Variants in SWT1 observed in about 807,000 individuals in gnomAD.
SWT1 encodes SWT1 RNA endoribonuclease homolog, also known as transcriptional protein SWT1.
In SWT1, 33 loss-of-function variants were observed where a neutral mutation model predicts 107.3. The ratio of observed to expected loss-of-function variants is 0.31; its 90% CI spans 0.23 to 0.41. The LOEUF is 0.41. Among genes scored for constraint, SWT1 ranks in the 10% least tolerant of loss-of-function variants. The pLI is 1.00. For synonymous variants in SWT1, 345 were observed against 348.3 expected (o/e 0.99, Z 0.11); for missense variants, 898 against 1,028.9 (o/e 0.87, Z 1.74).
chr1:185,266,121 T>G (rs901794136), intron 16 of SWT1, among the ~76,000 whole-genome samples: 2 of 152,154 alleles, frequency 1.3e-5, no homozygotes, highest in Non-Finnish European at 2.9e-5. Context: ...TGGAGTGCAG[T>G]GGCGCCATCT....
intron 5 of SWT1, chr1:185,176,595 T>G (rs541209372): frequency 2.0e-6 from 2 of 983,816 alleles, no homozygotes; most frequent in African/African-American, 3.5e-5. Context: ...CTTTCAGAAC[T>G]GTGGAACCTT....
intron 14 of SWT1, among the ~76,000 whole-genome samples, chr1:185,216,683 G>A (rs1486559885): frequency 6.6e-6 from 1 of 152,164 alleles, no homozygotes; most frequent in Non-Finnish European, 1.5e-5. Flanking sequence ...TGGGCATGGT[G>A]GTTCATGCCT....
At chr1:185,241,124 TAGGCTACTTCTTTAA>T (rs1200935403) in intron 16 of SWT1, among the ~76,000 whole-genome samples, 1 of 152,170 alleles carries the variant, frequency 6.6e-6, no homozygotes, top group Non-Finnish European at 1.5e-5. Context: ...TAACACACTT[TAGGCTACTTCTTTAA>T]ACTAGTTGTT....
At chr1:185,230,163 T>G (rs1293006826) in intron 15 of SWT1, among the ~76,000 whole-genome samples, 2 of 152,304 alleles carry the variant, frequency 1.3e-5, no homozygotes, top group Non-Finnish European at 2.9e-5. Context: ...TTCCTTTGAG[T>G]GCTGCTGCCT....
In SWT1 at chr1:185,265,317, T is replaced by G. The variant is rs925563763; in HGVS notation, c.2442-6006T>G. On this transcript the variant is annotated intron_variant, in intron 16 of 18. Transcript: ENST00000367500. Reference sequence around the variant, plus strand: ...CATTTTTTTCAAAATCTAGGACTGATGGCTAGCTCTCATTTGCATAGCTGA... The same window carrying G: ...CATTTTTTTCAAAATCTAGGACTGAGGGCTAGCTCTCATTTGCATAGCTGA... Among the ~76,000 whole-genome samples the G allele has an allele frequency of 3.3e-5, 5 of 152,204 alleles. No individual in the cohort carries two copies. In the South Asian group the frequency reaches 1.0e-3, roughly 31 times the overall value.
At chr1:185,212,752 G>A (rs1173283636) in intron 13 of SWT1, among the ~76,000 whole-genome samples, 1 of 149,696 alleles carries the variant, frequency 6.7e-6, no homozygotes, top group Non-Finnish European at 1.5e-5. Context: ...GCAGTGAGCC[G>A]AGATTGCGCC....
At chr1:185,279,104 GT>G (rs1240150662) in intron 18 of SWT1, among the ~76,000 whole-genome samples, 4 of 152,132 alleles carry the variant, frequency 2.6e-5, no homozygotes, top group Admixed American at 1.3e-4. Context: ...GGGAGAAAAT[GT>G]TTTCTTGCCC....
intron 16 of SWT1, among the ~76,000 whole-genome samples, chr1:185,267,378 A>G (rs1294742194): frequency 1.3e-5 from 2 of 152,234 alleles, no homozygotes; most frequent in African/African-American, 4.8e-5. Context: ...AAGCTGGGCT[A>G]CGTAATTAAA....
chr1:185,182,957 G>T (rs773597612), intron 7 of SWT1, among the ~76,000 whole-genome samples: 6 of 151,904 alleles, frequency 3.9e-5, no homozygotes, highest in Non-Finnish European at 8.8e-5. Context: ...CCAACATAGT[G>T]AAACCCCATC....
rs781138694 is a variant in SWT1, at chr1:185,231,655, A to G, written c.2388A>G (p.Ile796Met). The change falls in exon 16 of 19, where the codon ATA (isoleucine) becomes ATG (methionine). Residue 796 changes from isoleucine (I) to methionine (M), a missense_variant. Physicochemically the swap from Ile to Met is conservative, Grantham distance 10. This residue lies in a region of SWT1 where 382 missense variants were observed against 460.0 expected (regional missense o/e 0.83). Coordinates refer to ENST00000367500, the MANE Select transcript of SWT1 (RefSeq NM_017673.7). Reference sequence around the variant, plus strand: ...TAGCATCATTTGAAGAAGCATTTATATGTCTTCAAAAGTTAATGGCAGCTG... The same window carrying G: ...TAGCATCATTTGAAGAAGCATTTATGTGTCTTCAAAAGTTAATGGCAGCTG... ...SNIASFEEAF[I>M]CLQKLMAAVR... 3.1e-6 allele frequency: 5 copies of G among 1,606,240 alleles called. No homozygotes were observed. Among genetic ancestry groups the G allele is most frequent in the Non-Finnish European group, 4.3e-6 (5 of 1,173,428 alleles).
intron 10 of SWT1, among the ~76,000 whole-genome samples, chr1:185,195,818 T>C (rs188062465): frequency 9.3e-4 from 142 of 152,378 alleles, no homozygotes; most frequent in Admixed American, 2.0e-3. Flanking sequence ...TCTGTTCATA[T>C]CATTTGCCCA....
chr1:185,257,715 A>T (rs1662703399), intron 16 of SWT1, among the ~76,000 whole-genome samples: 2 of 152,370 alleles, frequency 1.3e-5, no homozygotes, highest in South Asian at 4.1e-4. Context: ...GGTATCTCAG[A>T]TGGAAATGCA....
chr1:185,220,292 T>C (rs975285805), intron 14 of SWT1, among the ~76,000 whole-genome samples: 10 of 151,194 alleles, frequency 6.6e-5, no homozygotes, highest in African/African-American at 2.2e-4. Flanking sequence ...CTCACTTACC[T>C]GTTAATCCTT....
chr1:185,257,065 TG>T (rs1259932048), intron 16 of SWT1, among the ~76,000 whole-genome samples: 2 of 152,076 alleles, frequency 1.3e-5, no homozygotes, highest in Non-Finnish European at 2.9e-5. Flanking sequence ...GTGCCCCTGC[TG>T]GGGGGTGCCT....
chr1:185,203,362 G>A (rs138202534), intron 11 of SWT1, among the ~76,000 whole-genome samples: 1 of 152,188 alleles, frequency 6.6e-6, no homozygotes, highest in Admixed American at 6.5e-5. Context: ...ACTGGCTTAC[G>A]CCTGTAATCC....
intron 10 of SWT1, among the ~76,000 whole-genome samples, chr1:185,194,366 G>T (rs6424972): frequency 0.44 from 66,723 of 151,276 alleles, 16,009 homozygotes; most frequent in African/African-American, 0.65. Flanking sequence ...TTTCTCTTTT[G>T]GATTAATTGT....
At chr1:185,168,049 G>T (rs758286203) in intron 3 of SWT1, among the ~76,000 whole-genome samples, 2 of 152,026 alleles carry the variant, frequency 1.3e-5, no homozygotes. Flanking sequence ...CTTGTGCTTG[G>T]CCCAGTTTCC....
Position 185,290,767 on chromosome 1 carries a change from G to A in SWT1, c.2667G>A (p.Arg889=). 6.2e-7 allele frequency: 1 copy of A among 1,611,576 alleles called. No individual in the cohort carries two copies. The highest frequency in any genetic ancestry group is 8.5e-7 in the Non-Finnish European group (1 of 1,178,430). Residue 889 remains arginine (R), a synonymous_variant, in exon 19 of 19, where the codon AGG becomes AGA. Coordinates refer to ENST00000367500, the MANE Select transcript of SWT1 (RefSeq NM_017673.7). ...CTGTTTATATGGAGGCCAAAAACAG[G>A]GGATGGTGTGAAGACATGCTCAACT... ...NASVYMEAKN[R]GWCEDMLNYR... is the part of the protein sequence containing the mutation.
chr1:185,250,809 T>A (rs1054015672), intron 16 of SWT1, among the ~76,000 whole-genome samples: 6 of 152,104 alleles, frequency 3.9e-5, no homozygotes, highest in African/African-American at 1.4e-4. Flanking sequence ...ACTACAGGCA[T>A]GCACCACCAT....
Sources: gnomAD v4.1 joint callset for allele counts (sites outside exome capture counted in the v4.1 genomes callset) on GRCh38, gnomAD v4.1.1 for gene constraint, gnomAD v4.1.1 regional missense constraint, MANE v1.5 for transcripts, NCBI Gene and HGNC (gene_info 2026-07-23, HGNC 2026-07-21) for gene names.